The following LGSN variants were observed in gnomAD, a reference collection of about 807,000 sequenced individuals.
The protein encoded by LGSN is lengsin, lens protein with glutamine synthetase domain.
In LGSN, 21 loss-of-function variants were observed where a neutral mutation model predicts 19.5. That is an observed-to-expected ratio of 1.07 (90% CI 0.76 to 1.55). The LOEUF is 1.55. Ranked by LOEUF, LGSN falls within the 40% of genes most tolerant of loss-of-function variation. LGSN has a pLI of 0.00. For synonymous variants in LGSN, 257 were observed against 215.6 expected, an observed-to-expected ratio of 1.19 and a Z score of -1.68; for missense variants, 673 against 608.5, an observed-to-expected ratio of 1.11 and a Z score of -1.12.
chr6:63,412,522 GAAAGAAGGAAAGAAA>G, the LGSN span, among the ~76,000 whole-genome samples: 45 of 95,856 alleles, frequency 4.7e-4, no homozygotes, highest in Non-Finnish European at 7.8e-4. Context: ...AAGAAAGAAA[GAAAGAAGGAAAGAAA>G]GAAAGAAAGA....
chr6:63,393,053 A>AT, the LGSN span, among the ~76,000 whole-genome samples: 10 of 150,852 alleles, frequency 6.6e-5, no homozygotes, highest in African/African-American at 2.4e-4. Context: ...CGCCCGGCTA[A>AT]TTTTTTTGTA....
At chr6:63,446,373 C>T in the LGSN span, among the ~76,000 whole-genome samples, 5 of 151,934 alleles carry the variant, frequency 3.3e-5, no homozygotes, top group Admixed American at 6.6e-5. Context: ...ATACCAAGCA[C>T]ATTCCCACCC....
the LGSN span, among the ~76,000 whole-genome samples, chr6:63,410,193 A>G: frequency 6.6e-6 from 1 of 152,322 alleles, no homozygotes; most frequent in African/African-American, 2.4e-5. Context: ...AATGTTCACA[A>G]AAACGGGTAC....
At chr6:63,481,586 T>C in the LGSN span, among the ~76,000 whole-genome samples, 1 of 151,972 alleles carries the variant, frequency 6.6e-6, no homozygotes, top group Admixed American at 6.6e-5. Flanking sequence ...GACCTCGTGA[T>C]CCGCCCGCCT....
chr6:63,379,519 C>T, the LGSN span, among the ~76,000 whole-genome samples: 3 of 152,130 alleles, frequency 2.0e-5, no homozygotes, highest in Admixed American at 1.3e-4. Context: ...TGTTTCTTTC[C>T]TTATCTGTAT....
At chr6:63,355,238 A>C in the LGSN span, among the ~76,000 whole-genome samples, 2 of 152,160 alleles carry the variant, frequency 1.3e-5, no homozygotes, top group Non-Finnish European at 2.9e-5. Flanking sequence ...AATACATACA[A>C]ATATTATGTA....
At chr6:63,491,814 T>G in the LGSN span, among the ~76,000 whole-genome samples, 1 of 152,156 alleles carries the variant, frequency 6.6e-6, no homozygotes, top group African/African-American at 2.4e-5. Flanking sequence ...GCGGATCTCC[T>G]GAGGTCAGAA....
chr6:63,366,731 G>C, the LGSN span, among the ~76,000 whole-genome samples: 526 of 152,144 alleles, frequency 3.5e-3, 4 homozygotes, highest in African/African-American at 0.012. Flanking sequence ...GGTACTGGTA[G>C]CAAAACATAG....
At chr6:63,549,566 G>T in the LGSN span, 11 of 498,444 alleles carry the variant, frequency 2.2e-5, no homozygotes, top group Middle Eastern at 5.4e-4. Context: ...AAGATTTGAA[G>T]TTTTTTTTTT....
the LGSN span, among the ~76,000 whole-genome samples, chr6:63,558,092 G>A: frequency 2.0e-5 from 3 of 151,914 alleles, no homozygotes; most frequent in Non-Finnish European, 4.4e-5. Context: ...GGCTGGTCTC[G>A]AACTCCTGAC....
chr6:63,373,635 TACA>T, the LGSN span, among the ~76,000 whole-genome samples: 1 of 152,074 alleles, frequency 6.6e-6, no homozygotes, highest in Non-Finnish European at 1.5e-5. Flanking sequence ...GACAATTGAA[TACA>T]ACATGTGACC....
the LGSN span, among the ~76,000 whole-genome samples, chr6:63,514,593 G>A: frequency 3.9e-5 from 6 of 152,180 alleles, no homozygotes; most frequent in African/African-American, 1.4e-4. Context: ...TCACAACAAT[G>A]AAATGTCTAT....
the LGSN span, among the ~76,000 whole-genome samples, chr6:63,540,855 T>A: frequency 1.4e-3 from 208 of 144,008 alleles, 2 homozygotes; most frequent in Non-Finnish European, 2.8e-3. Context: ...AAAAAAAAAA[T>A]AGCCGGTCTT....
At chr6:63,381,037 A>G in the LGSN span, among the ~76,000 whole-genome samples, 1 of 152,110 alleles carries the variant, frequency 6.6e-6, no homozygotes, top group South Asian at 2.1e-4. Context: ...TCTCTAAAAA[A>G]CAAAATACAC....
chr6:63,427,700 T>C, the LGSN span, among the ~76,000 whole-genome samples: 4 of 152,312 alleles, frequency 2.6e-5, no homozygotes, highest in Non-Finnish European at 5.9e-5. Context: ...AAATCTGTTT[T>C]CTCCTTGTGG....
At chr6:63,525,357 G>C in the LGSN span, among the ~76,000 whole-genome samples, 1 of 152,134 alleles carries the variant, frequency 6.6e-6, no homozygotes, top group African/African-American at 2.4e-5. Flanking sequence ...TCTGCCAATG[G>C]GGGAGCTAGA....
chr6:63,395,854 C>A, the LGSN span: 2 of 154,228 alleles, frequency 1.3e-5, no homozygotes, highest in Non-Finnish European at 1.5e-5. Context: ...GGAACTGGGG[C>A]TTTCCTGGGC....
the LGSN span, among the ~76,000 whole-genome samples, chr6:63,455,410 A>G: frequency 6.6e-6 from 1 of 152,360 alleles, no homozygotes; most frequent in East Asian, 1.9e-4. Flanking sequence ...CTATTTTAAT[A>G]TAAATTCTCG....
At chr6:63,480,986 T>TACATATAC in the LGSN span, among the ~76,000 whole-genome samples, 1 of 44,076 alleles carries the variant, frequency 2.3e-5, no homozygotes, top group African/African-American at 4.5e-5. Context: ...TATATATATA[T>TACATATAC]ACACACACAC....
Sources: allele counts gnomAD v4.1 joint callset (sites outside exome capture counted in the v4.1 genomes callset), GRCh38; gene constraint gnomAD v4.1.1; transcripts MANE v1.5; gene names NCBI Gene and HGNC (gene_info 2026-07-23, HGNC 2026-07-21).